CSGALNACT1: variants seen among roughly 807,000 people sequenced by gnomAD.
CSGALNACT1 encodes beta4GalNAcT-1.
A neutral mutation model predicts 51.0 loss-of-function variants in CSGALNACT1; 52 were observed. The ratio of observed to expected loss-of-function variants is 1.02; its 90% CI spans 0.82 to 1.29. CSGALNACT1 has a LOEUF of 1.29. CSGALNACT1 is among the 50% of genes most tolerant of loss of function. CSGALNACT1 has a pLI of 0.00. For missense variants in CSGALNACT1, 935 were observed against 679.2 expected, an observed-to-expected ratio of 1.38 and a Z score of -4.19; for synonymous variants, 341 against 254.4, an observed-to-expected ratio of 1.34 and a Z score of -3.24.
intron 2 of CSGALNACT1, among the ~76,000 whole-genome samples, chr8:19,597,573 C>G (rs1344506090): frequency 6.6e-6 from 1 of 152,064 alleles, no homozygotes; most frequent in Non-Finnish European, 1.5e-5. Flanking sequence ...CCAGAGTGTT[C>G]CGATTACAGG....
At chr8:19,620,138 C>T (rs765568065) in intron 1 of CSGALNACT1, among the ~76,000 whole-genome samples, 81 of 151,948 alleles carry the variant, frequency 5.3e-4, no homozygotes, top group Non-Finnish European at 9.0e-4. Flanking sequence ...TGTGGGGAAA[C>T]CCCGTCTCTA....
intron 3 of CSGALNACT1, among the ~76,000 whole-genome samples, chr8:19,547,535 T>G (rs1489885176): frequency 1.3e-5 from 2 of 152,174 alleles, no homozygotes; most frequent in African/African-American, 4.8e-5. Flanking sequence ...TGGCTCTCGT[T>G]TCTTTGCACT....
intron 4 of CSGALNACT1, among the ~76,000 whole-genome samples, chr8:19,470,987 T>A (rs2068013136): frequency 6.6e-6 from 1 of 151,938 alleles, no homozygotes; most frequent in Non-Finnish European, 1.5e-5. Flanking sequence ...TCCCAGCTAC[T>A]TGGGAGGCTG....
chr8:19,513,404 T>C (rs961735928), intron 3 of CSGALNACT1, among the ~76,000 whole-genome samples: 1 of 95,098 alleles, frequency 1.1e-5, no homozygotes, highest in South Asian at 3.7e-4. Flanking sequence ...TCATAGAATT[T>C]TCTCTCTCTC....
At chr8:19,405,976 G>A in exon 10 of CSGALNACT1, 1 of 1,614,200 alleles carries the variant, frequency 6.2e-7, no homozygotes, top group Non-Finnish European at 8.5e-7. Context: ...TCCTCGCACA[G>A]GCGTCCGTAC....
intron 5 of CSGALNACT1, among the ~76,000 whole-genome samples, chr8:19,457,236 C>T (rs529292328): frequency 2.2e-4 from 33 of 152,254 alleles, no homozygotes; most frequent in Admixed American, 5.9e-4. Context: ...AAACAGAGTA[C>T]GCTCATGAAC....
Position 19,551,512 on chromosome 8 carries a change from C to T in CSGALNACT1, c.-297+39648G>A, listed in dbSNP as rs373185112. 4.6e-5 allele frequency among the ~76,000 whole-genome samples: 7 copies of T among 152,296 alleles called. No homozygotes were observed. The East Asian group carries it at 7.7e-4, about 17-fold the overall frequency. ...AGAGCATTTCCTCCTGTCTCCCTGT[C>T]GGTTCACTGGCAATAAACTTCTCTC... On this transcript the variant is annotated intron_variant, in intron 3 of 9. Transcript: ENST00000454498.
intron 3 of CSGALNACT1, among the ~76,000 whole-genome samples, chr8:19,513,795 G>A (rs781356990): frequency 2.1e-4 from 32 of 151,956 alleles, no homozygotes; most frequent in Non-Finnish European, 3.7e-4. Context: ...TAACACTATG[G>A]TATTTGTGTA....
intron 3 of CSGALNACT1, among the ~76,000 whole-genome samples, chr8:19,515,737 T>G (rs1256252518): frequency 3.9e-5 from 6 of 152,126 alleles, no homozygotes; most frequent in Non-Finnish European, 8.8e-5. Flanking sequence ...ATTTTGATTT[T>G]TAATTTGCTG....
At chr8:19,490,482 A>G (rs1295826302) in intron 4 of CSGALNACT1, among the ~76,000 whole-genome samples, 1 of 152,236 alleles carries the variant, frequency 6.6e-6, no homozygotes, top group Non-Finnish European at 1.5e-5. Context: ...AAAGCATCAT[A>G]AGATGCCACC....
At chr8:19,520,591 A>G (rs1176957548) in intron 3 of CSGALNACT1, among the ~76,000 whole-genome samples, 7 of 152,220 alleles carry the variant, frequency 4.6e-5, no homozygotes, top group Non-Finnish European at 1.0e-4. Context: ...CACAGTAGAA[A>G]TTGTCCTGTT....
rs576398973 is a variant in CSGALNACT1, at chr8:19,519,060, G to C, written c.-296-12930C>G. ...TGCCTTGACCAGGTACCAGCTGATG[G>C]TTTTAAAACATTCTTTAGACACAGC... On this transcript the variant is annotated intron_variant, in intron 3 of 9. Transcript: ENST00000454498. Among the ~76,000 whole-genome samples the C allele has an allele frequency of 7.2e-4, 110 of 152,274 alleles. 2 individuals are homozygous for C. The highest frequency in any genetic ancestry group is 2.5e-3 in the African/African-American group (104 of 41,546).
At chr8:19,649,851 G>T (rs113469553) in intron 1 of CSGALNACT1, among the ~76,000 whole-genome samples, 5,796 of 31,872 alleles carry the variant, frequency 0.18, 240 homozygotes, top group Non-Finnish European at 0.27. Flanking sequence ...AAAAACCACG[G>T]GGGGAGGCAT....
intron 3 of CSGALNACT1, among the ~76,000 whole-genome samples, chr8:19,516,098 A>G (rs536282286): frequency 1.3e-5 from 2 of 152,314 alleles, no homozygotes; most frequent in Admixed American, 6.5e-5. Flanking sequence ...GCATGAAACC[A>G]GCCTTCCAAC....
intron 5 of CSGALNACT1, among the ~76,000 whole-genome samples, chr8:19,445,197 A>C (rs59953429): frequency 0.14 from 21,127 of 152,222 alleles, 1,741 homozygotes; most frequent in Middle Eastern, 0.23. Context: ...TGTACATAAA[A>C]GATCCCTTTT....
At chr8:19,543,369 G>A (rs1563976481) in intron 3 of CSGALNACT1, among the ~76,000 whole-genome samples, 2 of 152,184 alleles carry the variant, frequency 1.3e-5, no homozygotes, top group South Asian at 4.1e-4. Context: ...TGCAAGATCC[G>A]CCCTTGACAA....
At position 19,598,721 on chromosome 8, in the gene CSGALNACT1, G is replaced by A. The variant is rs375919034; in HGVS notation, c.-416+3050C>T. Among the ~76,000 whole-genome samples, 16 of 152,168 alleles carry A rather than the reference G, an allele frequency of 1.1e-4. No individual in the cohort carries two copies. The East Asian group carries it at 1.2e-3, about 11-fold the overall frequency. Reference sequence around the variant, plus strand: ...GAGCTGGATCACCAAAATGGGAAAGGAAAGTTCTGCGCCCTGCTCAGGGGT... The same window carrying A: ...GAGCTGGATCACCAAAATGGGAAAGAAAAGTTCTGCGCCCTGCTCAGGGGT... On this transcript the variant is annotated intron_variant, in intron 2 of 9. Coordinates refer to ENST00000454498, the Ensembl canonical transcript of CSGALNACT1.
At chr8:19,482,533 T>G (rs1469640502) in intron 4 of CSGALNACT1, among the ~76,000 whole-genome samples, 2 of 152,186 alleles carry the variant, frequency 1.3e-5, no homozygotes, top group Non-Finnish European at 2.9e-5. Flanking sequence ...CAATATTCGA[T>G]GCTAATGCCC....
intron 3 of CSGALNACT1, among the ~76,000 whole-genome samples, chr8:19,550,705 C>T (rs367615954): frequency 9.2e-5 from 14 of 152,168 alleles, no homozygotes; most frequent in South Asian, 2.1e-4. Flanking sequence ...CATTTTATTT[C>T]GGGGGGCAGG....
Sources: allele counts gnomAD v4.1 joint callset (sites outside exome capture counted in the v4.1 genomes callset), GRCh38; gene constraint gnomAD v4.1.1; transcripts MANE v1.5; gene names NCBI Gene and HGNC (gene_info 2026-07-23, HGNC 2026-07-21).